Variants in BCL6 observed in about 807,000 individuals in gnomAD.
BCL6 encodes BCL6 transcription repressor.
BCL6 carries 7 observed loss-of-function variants against 59.5 expected under a neutral mutation model. The ratio of observed to expected loss-of-function variants is 0.12; its 90% CI spans 0.07 to 0.22. BCL6 has a LOEUF of 0.22. Ranked by LOEUF, BCL6 falls within the 10% of genes least tolerant of loss-of-function variation. The pLI, the probability that BCL6 is intolerant of heterozygous loss-of-function variation, is 1.00. For missense variants in BCL6, 685 were observed against 939.4 expected (o/e 0.73, Z 3.54); for synonymous variants, 339 against 349.7 (o/e 0.97, Z 0.34).
intron 1 of BCL6, chr3:187,737,297 G>A (rs1255059074): frequency 2.5e-5 from 3 of 121,306 alleles, no homozygotes; most frequent in African/African-American, 9.3e-5. Flanking sequence ...GAAGAAAACA[G>A]GAACCAAAAA....
Position 187,724,981 on chromosome 3 carries a change from T to C in BCL6, c.1937A>G (p.Lys646Arg). The C allele has an allele frequency of 6.2e-7, 1 of 1,614,040 alleles. No individual in the cohort carries two copies. The highest frequency in any genetic ancestry group is 8.5e-7 in the Non-Finnish European group (1 of 1,179,988). Residue 646 changes from lysine (K) to arginine (R), a missense_variant, in exon 9 of 10, where the codon AAG (lysine) becomes AGG (arginine). Lys to Arg is a conservative substitution (Grantham distance 26). Transcript: ENST00000406870. ...TCCTGTGTGGATTCGCAGGTGGCTC[T>C]TCAGAGTCTGAAGGTGCCGGAAACG... is the stretch of plus-strand genomic sequence containing the variant. The part of the protein sequence containing the change: ...GTRFRHLQTL[K>R]SHLRIHTGEK...
At chr3:187,727,417 AT>A (rs1216428359) in intron 6 of BCL6, among the ~76,000 whole-genome samples, 2 of 152,220 alleles carry the variant, frequency 1.3e-5, no homozygotes, top group Non-Finnish European at 2.9e-5. Flanking sequence ...GGAATGTAAG[AT>A]ATAGGTCAAA....
chr3:187,730,524 G>A (rs1718990976), intron 4 of BCL6, among the ~76,000 whole-genome samples: 1 of 152,242 alleles, frequency 6.6e-6, no homozygotes, highest in Non-Finnish European at 1.5e-5. Context: ...ACTGAAGAAA[G>A]AACTTGTCCC....
chr3:187,745,243 G>C lies in BCL6; in HGVS notation c.-50+167C>G, dbSNP rs144683840. 2.2e-4 allele frequency among the ~76,000 whole-genome samples: 33 copies of C among 151,896 alleles called. No individual in the cohort carries two copies. In the Middle Eastern group the frequency reaches 0.01, roughly 48 times the overall value. ...ATAAATATATACATTTATATCAATA[G>C]ATACACATAGAAAACTTGGAGCCAA... On this transcript the variant is annotated intron_variant, in intron 1 of 9. Coordinates refer to ENST00000406870, the MANE Select transcript of BCL6 (RefSeq NM_001706.5).
At chr3:187,738,850 A>G (rs1200944719) in intron 1 of BCL6, among the ~76,000 whole-genome samples, 3 of 152,190 alleles carry the variant, frequency 2.0e-5, no homozygotes, top group Non-Finnish European at 4.4e-5. Context: ...CCGGTGGGAT[A>G]AAGGTGAAAG....
Position 187,729,765 on chromosome 3 carries a change from G to T in BCL6, c.640C>A (p.Arg214=). 6.2e-7 allele frequency: 1 copy of T among 1,614,166 alleles called. No individual in the cohort carries two copies. Among genetic ancestry groups the T allele is most frequent in the Non-Finnish European group, 8.5e-7 (1 of 1,180,032 alleles). The change falls in exon 5 of 10, where the codon CGG becomes AGG. Residue 214 remains arginine, a synonymous_variant. Coordinates refer to ENST00000406870, the MANE Select transcript of BCL6 (RefSeq NM_001706.5). This position sits in a 1 kb window ranked among gnomAD's most constrained non-coding sequence, Gnocchi z 5.6. The part of the protein sequence containing the change: ...SSLLFSDEEF[R]DVRMPVANPF... ...TTGGCCACAGGCATCCGGACATCCC[G>T]AAACTCCTCATCGGAGAAGAGGAGG...
intron 1 of BCL6, among the ~76,000 whole-genome samples, chr3:187,744,536 AT>A: frequency 6.6e-6 from 1 of 152,326 alleles, no homozygotes; most frequent in African/African-American, 2.4e-5. Context: ...CTGAAAGGAA[AT>A]AGTAGACACG....
At chr3:187,735,418 G>A (rs935061982) in intron 1 of BCL6, among the ~76,000 whole-genome samples, 12 of 152,188 alleles carry the variant, frequency 7.9e-5, no homozygotes, top group Admixed American at 7.2e-4. Context: ...CTGAGACTTA[G>A]GGGTTCAAGT....
chr3:187,724,338 T>C (rs1043971758), intron 9 of BCL6, among the ~76,000 whole-genome samples: 8 of 152,230 alleles, frequency 5.3e-5, no homozygotes, highest in African/African-American at 1.9e-4. Flanking sequence ...TGTTCAAACA[T>C]TGGCACACAG....
chr3:187,729,577 A>G lies in BCL6; in HGVS notation c.828T>C (p.Ser276=). The G allele has an allele frequency of 6.2e-7, 1 of 1,614,100 alleles. No individual in the cohort carries two copies. The highest frequency in any genetic ancestry group is 8.5e-7 in the Non-Finnish European group (1 of 1,180,028). ...PEEARSDMHY[S]VAEGLKPAAP... Reference sequence around the variant, plus strand: ...CAGCAGGTTTGAGGCCCTCAGCCACACTGTAGTGCATATCACTTCGTGCCT... The same window carrying G: ...CAGCAGGTTTGAGGCCCTCAGCCACGCTGTAGTGCATATCACTTCGTGCCT... Residue 276 remains serine, a synonymous_variant, in exon 5 of 10, where the codon AGT becomes AGC. Coordinates refer to ENST00000406870, the MANE Select transcript of BCL6 (RefSeq NM_001706.5). This position sits in a 1 kb window ranked among gnomAD's most constrained non-coding sequence, Gnocchi z 5.6.
At position 187,726,681 on chromosome 3, in the gene BCL6, C is replaced by T. The variant is rs773456139; in HGVS notation, c.1708+50G>A. On this transcript the variant is annotated intron_variant, in intron 7 of 9. Coordinates refer to ENST00000406870, the MANE Select transcript of BCL6 (RefSeq NM_001706.5). ...GCTTTCTCTAGGATCCTCTCCCTGT[C>T]CTGCCCCAATAATTGTGGAGAGTTC... The T allele has an allele frequency of 4.4e-6, 7 of 1,597,222 alleles. No individual in the cohort carries two copies. The African/African-American group carries it at 8.0e-5, about 18-fold the overall frequency.
At chr3:187,726,322 A>G (rs915785627) in intron 7 of BCL6, among the ~76,000 whole-genome samples, 3 of 152,196 alleles carry the variant, frequency 2.0e-5, no homozygotes, top group Admixed American at 6.5e-5. Context: ...TTTAAACAAC[A>G]AGCAGGTCAT....
At chr3:187,723,080 G>C (rs1718504450) in intron 9 of BCL6, among the ~76,000 whole-genome samples, 2 of 152,176 alleles carry the variant, frequency 1.3e-5, no homozygotes, top group African/African-American at 4.8e-5. Flanking sequence ...AATCTTCCTA[G>C]GACCTCACAG....
chr3:187,743,068 G>A (rs1711671771), intron 1 of BCL6, among the ~76,000 whole-genome samples: 1 of 151,022 alleles, frequency 6.6e-6, no homozygotes, highest in Admixed American at 6.6e-5. Context: ...ACCTTGCAAA[G>A]AAAAAGGGAA....
chr3:187,745,082 A>T (rs1380007489), intron 1 of BCL6, among the ~76,000 whole-genome samples: 2 of 152,172 alleles, frequency 1.3e-5, no homozygotes, highest in Non-Finnish European at 2.9e-5. Flanking sequence ...GGAGGGTGGC[A>T]AAAGCCTCCC....
chr3:187,738,866 GT>G lies in BCL6; in HGVS notation c.-49-3960del, dbSNP rs371754454. Among the ~76,000 whole-genome samples, 112 of 152,350 alleles carry G rather than the reference GT, an allele frequency of 7.4e-4. No homozygotes were observed. The South Asian group carries it at 0.022, about 30-fold the overall frequency. ...CGGTGGGATAAAGGTGAAAGAGACG[GT>G]TGGGATTTAATAAGGGGTAGGGATG... On this transcript the variant is annotated intron_variant, in intron 1 of 9. Transcript: ENST00000406870.
At chr3:187,734,377 G>T (rs1005945940) in intron 2 of BCL6, 7 of 152,966 alleles carry the variant, frequency 4.6e-5, no homozygotes, top group African/African-American at 1.7e-4. Context: ...GGCTAGACTT[G>T]CCTTTTGCTA....
intron 1 of BCL6, among the ~76,000 whole-genome samples, chr3:187,744,819 A>G (rs539697145): frequency 1.3e-5 from 2 of 152,218 alleles, no homozygotes; most frequent in African/African-American, 4.8e-5. Flanking sequence ...GGAGCAAGGA[A>G]AGCAGTTTGC....
intron 6 of BCL6, 144 bp from the exon 7 acceptor site, chr3:187,727,042 G>C: frequency 1.1e-6 from 1 of 885,806 alleles, no homozygotes; most frequent in Non-Finnish European, 1.7e-6. Context: ...TGGGAGCTCG[G>C]AGCAAAGGAT....
Sources: gnomAD v4.1 joint callset for allele counts (sites outside exome capture counted in the v4.1 genomes callset) on GRCh38, gnomAD v4.1.1 for gene constraint, Gnocchi (gnomAD v3.1) non-coding constraint, MANE v1.5 for transcripts, NCBI Gene and HGNC (gene_info 2026-07-23, HGNC 2026-07-21) for gene names.